PCNX2: variants seen among roughly 807,000 people sequenced by gnomAD.
The protein encoded by PCNX2 is pecanex-like protein 2.
A neutral mutation model predicts 223.8 loss-of-function variants in PCNX2; 168 were observed. That is an observed-to-expected ratio of 0.75 (90% CI 0.66 to 0.85). PCNX2 has a LOEUF of 0.85. Ranked by LOEUF, PCNX2 falls within the 40% of genes least tolerant of loss-of-function variation. The probability of loss-of-function intolerance (pLI) is 0.00; values close to 1 mark genes in which losing one functional copy is unlikely to be tolerated. For missense variants in PCNX2, 2,507 were observed against 2,675.5 expected (o/e 0.94, Z 1.39); for synonymous variants, 1,006 against 1,052.6 (o/e 0.96, Z 0.86).
chr1:233,151,750 C>T (rs574513513), intron 19 of PCNX2, among the ~76,000 whole-genome samples: 1 of 152,236 alleles, frequency 6.6e-6, no homozygotes, highest in African/African-American at 2.4e-5. Context: ...TCTCTGCTCA[C>T]TGCAACCTCC....
At chr1:233,275,858 C>A (rs958077768) in intron 1 of PCNX2, among the ~76,000 whole-genome samples, 1 of 151,742 alleles carries the variant, frequency 6.6e-6, no homozygotes, top group Non-Finnish European at 1.5e-5. Flanking sequence ...GGTGAAACCC[C>A]GTCTCTACTA....
chr1:233,100,342 T>A (rs1674414633), intron 21 of PCNX2, among the ~76,000 whole-genome samples: 1 of 142,572 alleles, frequency 7.0e-6, no homozygotes. Flanking sequence ...CACTTGAACC[T>A]GGGAAGCAGA....
At position 233,250,803 on chromosome 1, in the gene PCNX2, C is replaced by A; in HGVS notation, c.2158G>T (p.Gly720Ter). The A allele has an allele frequency of 6.2e-7, 1 of 1,601,090 alleles. No individual in the cohort carries two copies. The highest frequency in any genetic ancestry group is 1.1e-5 in the South Asian group (1 of 88,350). Residue 720 changes from glycine (G) to a stop codon, truncating the protein, a stop_gained, in exon 8 of 34, where the codon GGA (glycine) becomes TGA (stop). Transcript: ENST00000258229. LOFTEE classifies it high-confidence loss of function. ...GEIRSCYLKS[G>*]NQKEGPLQPL... Reference sequence around the variant, plus strand: ...TGTAAAGGGCCTTCTTTCTGATTTCCAGATTTTAAATAACAGGATCTAATT... The same window carrying A: ...TGTAAAGGGCCTTCTTTCTGATTTCAAGATTTTAAATAACAGGATCTAATT...
chr1:233,100,135 G>A (rs946324168), intron 21 of PCNX2, among the ~76,000 whole-genome samples: 10 of 152,074 alleles, frequency 6.6e-5, no homozygotes, highest in African/African-American at 2.2e-4. Context: ...AATGAGGGCC[G>A]GGCGCGGGGG....
At chr1:233,119,316 T>C (rs1675609726) in intron 21 of PCNX2, among the ~76,000 whole-genome samples, 1 of 146,702 alleles carries the variant, frequency 6.8e-6, no homozygotes, top group Non-Finnish European at 1.5e-5. Flanking sequence ...TCACAGCACT[T>C]TGGGAGGGCG....
At chr1:233,120,805 C>T (rs903363084) in intron 21 of PCNX2, among the ~76,000 whole-genome samples, 1 of 151,754 alleles carries the variant, frequency 6.6e-6, no homozygotes, top group East Asian at 1.9e-4. Flanking sequence ...TCTAGATACA[C>T]AAATTAAGAA....
At chr1:233,323,079 A>G in the PCNX2 span, among the ~76,000 whole-genome samples, 1 of 152,106 alleles carries the variant, frequency 6.6e-6, no homozygotes, top group Non-Finnish European at 1.5e-5. Context: ...CAATTCTAAA[A>G]CCCAAGAAGC....
rs1265599637 is a variant in PCNX2 at position 233,235,985 on chromosome 1, T to TATAA, written c.2358+859_2358+860insTTAT. 3.8e-3 allele frequency among the ~76,000 whole-genome samples: 550 copies of TATAA among 143,622 alleles called. 3 individuals carry two copies. The highest frequency in any genetic ancestry group is 6.0e-3 in the Non-Finnish European group (393 of 65,816). The allele number at this position is 143,622 out of a possible 152,430, so 94.2% of individuals were successfully genotyped here. The stretch of plus-strand genomic sequence containing the variant: ...ATATATATATATATATATATATATA[T>TATAA]AATTATATTATTTTTTCAAAGATGA... On this transcript the variant is annotated intron_variant, in intron 9 of 33. Coordinates refer to ENST00000258229, the MANE Select transcript of PCNX2 (RefSeq NM_014801.4).
intron 25 of PCNX2, among the ~76,000 whole-genome samples, chr1:233,029,913 G>T (rs7545604): frequency 0.18 from 27,310 of 151,842 alleles, 2,609 homozygotes; most frequent in African/African-American, 0.25. Flanking sequence ...ACACATTTAG[G>T]TTTGGTTTTC....
chr1:233,139,906 T>A lies in PCNX2; in HGVS notation c.3518-51A>T. 6.3e-7 allele frequency: 1 copy of A among 1,584,558 alleles called. No homozygotes were observed. The highest frequency in any genetic ancestry group is 8.6e-7 in the Non-Finnish European group (1 of 1,165,766). ...GAACAACCACCGATCAAAGTATTTT[T>A]CTTTAAGTACAGGTAATAATAAGTA... On this transcript the variant is annotated intron_variant, in intron 19 of 33. Coordinates refer to ENST00000258229, the MANE Select transcript of PCNX2 (RefSeq NM_014801.4). This position sits in a 1 kb window ranked among gnomAD's most constrained non-coding sequence, Gnocchi z 4.4.
At chr1:233,252,591 G>A (rs1659522928) in intron 6 of PCNX2, 50 bp downstream of exon 6, 1 of 1,596,134 alleles carries the variant, frequency 6.3e-7, no homozygotes, top group Admixed American at 1.8e-5. Flanking sequence ...AAATGAGGCT[G>A]TCTCATGCTT....
chr1:233,163,705 C>G (rs1409345260), intron 17 of PCNX2, among the ~76,000 whole-genome samples: 1 of 151,952 alleles, frequency 6.6e-6, no homozygotes, highest in Non-Finnish European at 1.5e-5. Flanking sequence ...TCCCTTTCCT[C>G]ACTATAGCCT....
Position 233,236,900 on chromosome 1 carries a change from A to G in PCNX2, c.2303T>C (p.Leu768Pro). The change falls in exon 9 of 34, where the codon CTT becomes CCT. Residue 768 changes from leucine (L) to proline (P), a missense_variant. Leu to Pro is a moderately conservative substitution (Grantham distance 98). Transcript: ENST00000258229. ...PSSGDPAVSALQQQLLLMVAR... is the reference protein window; with the variant it reads ...PSSGDPAVSAPQQQLLLMVAR... ...CACCATCAGTAACAGCTGTTGCTGA[A>G]GGGCACTGACGGCAGGGTCCCCAGA... The G allele has an allele frequency of 6.2e-7, 1 of 1,614,018 alleles. No homozygotes were observed. The highest frequency in any genetic ancestry group is 8.5e-7 in the Non-Finnish European group (1 of 1,179,870).
intron 19 of PCNX2, among the ~76,000 whole-genome samples, chr1:233,152,070 A>G (rs1009947161): frequency 2.0e-5 from 3 of 152,230 alleles, no homozygotes; most frequent in Non-Finnish European, 4.4e-5. Context: ...ACGCAGGAAG[A>G]TAAGTTTCCC....
chr1:233,049,687 T>C (rs1387048083), intron 25 of PCNX2, among the ~76,000 whole-genome samples: 1 of 152,192 alleles, frequency 6.6e-6, no homozygotes, highest in East Asian at 1.9e-4. Flanking sequence ...ACTGATCATA[T>C]GATTGTATAG....
chr1:233,216,628 A>G (rs1010684325), intron 12 of PCNX2, among the ~76,000 whole-genome samples: 14 of 152,208 alleles, frequency 9.2e-5, no homozygotes, highest in Admixed American at 1.3e-4. Context: ...TATGGAAAAC[A>G]GTATGATTTC....
In PCNX2 at chr1:233,160,337, A is replaced by C; in HGVS notation, c.3463T>G (p.Trp1155Gly). ...TTTTTGAGAATGGGGTGTGAAATCC[A>C]CATCCAGGGATGATGCTTGCGGAGC... ...PQLRKHHPWMWISHPILKNKE... is the reference protein window; with the variant it reads ...PQLRKHHPWMGISHPILKNKE... The change falls in exon 19 of 34, where the codon TGG becomes GGG. Residue 1155 changes from tryptophan (W) to glycine (G), a missense_variant. Coordinates refer to ENST00000258229, the MANE Select transcript of PCNX2 (RefSeq NM_014801.4). The C allele has an allele frequency of 1.2e-6, 2 of 1,613,124 alleles. No individual in the cohort carries two copies. The highest frequency in any genetic ancestry group is 1.7e-6 in the Non-Finnish European group (2 of 1,179,696).
chr1:233,016,382 C>T (rs948185243), intron 27 of PCNX2, among the ~76,000 whole-genome samples: 1 of 152,194 alleles, frequency 6.6e-6, no homozygotes, highest in Non-Finnish European at 1.5e-5. Context: ...TCCTCCCCTG[C>T]CCCTTTCTCC....
the PCNX2 span, among the ~76,000 whole-genome samples, chr1:233,316,488 A>G: frequency 6.6e-6 from 1 of 152,212 alleles, no homozygotes; most frequent in South Asian, 2.1e-4. Context: ...GAACCAGAGA[A>G]GCAGAGTCAA....
Sources: gnomAD v4.1 joint callset for allele counts (sites outside exome capture counted in the v4.1 genomes callset) on GRCh38, gnomAD v4.1.1 for gene constraint, Gnocchi (gnomAD v3.1) non-coding constraint, MANE v1.5 for transcripts, NCBI Gene and HGNC (gene_info 2026-07-23, HGNC 2026-07-21) for gene names.